The following NLGN4X variants were observed in gnomAD, a reference collection of about 807,000 sequenced individuals.
The protein encoded by NLGN4X is neuroligin-4, X-linked.
In NLGN4X, 3 loss-of-function variants were observed where a neutral mutation model predicts 40.3. That is an observed-to-expected ratio of 0.07 (90% CI 0.03 to 0.19). The LOEUF (loss-of-function observed/expected upper bound fraction) is 0.19, where lower values mean the gene tolerates loss of function less well. Among genes scored for constraint, NLGN4X ranks in the 10% least tolerant of loss-of-function variants. The pLI is 1.00. For missense variants in NLGN4X, 382 were observed against 708.3 expected (o/e 0.54, Z 5.23); for synonymous variants, 270 against 306.8 (o/e 0.88, Z 1.25).
intron 3 of NLGN4X, among the ~76,000 whole-genome samples, chrX:5,998,255 C>G (rs1003933521): frequency 9.2e-6 from 1 of 109,179 alleles, no homozygotes; most frequent in African/African-American, 3.3e-5. Context: ...ACTAAAAATA[C>G]AAAAATTAGC....
intron 3 of NLGN4X, among the ~76,000 whole-genome samples, chrX:5,939,128 A>G (rs762707025): frequency 1.7e-4 from 19 of 110,985 alleles, no homozygotes; most frequent in Non-Finnish European, 3.2e-4. Flanking sequence ...GATTGAAGAT[A>G]GTTCCCAGCA....
intron 2 of NLGN4X, among the ~76,000 whole-genome samples, chrX:6,040,004 T>C (rs775113792): frequency 3.6e-5 from 4 of 112,089 alleles, no homozygotes; most frequent in African/African-American, 9.7e-5. Flanking sequence ...GTCACACAAC[T>C]GTAGCTTACC....
intron 3 of NLGN4X, among the ~76,000 whole-genome samples, chrX:5,938,187 T>C (rs2033796105): frequency 9.0e-6 from 1 of 110,980 alleles, no homozygotes; most frequent in Admixed American, 9.6e-5. Context: ...AGGTCAAGGG[T>C]TAGGATAGCT....
intron 3 of NLGN4X, among the ~76,000 whole-genome samples, chrX:5,988,156 G>A (rs1044781352): frequency 8.9e-6 from 1 of 111,934 alleles, no homozygotes; most frequent in Non-Finnish European, 1.9e-5. Flanking sequence ...ACACACTTCC[G>A]TACAGTAGCA....
rs762766191 is a variant in NLGN4X at position 5,993,763 on chromosome X, A to C, written c.625+35517T>G. On this transcript the variant is annotated intron_variant, in intron 3 of 5. Transcript: ENST00000381095. ...GCCAAATGTGAACCACATAGAAAGA[A>C]GTGCTCTTTGGTCATCTAGAAAGGG... Among the ~76,000 whole-genome samples the C allele has an allele frequency of 2.7e-5, 3 of 111,813 alleles. No individual in the cohort carries two copies. The South Asian group carries it at 1.1e-3, about 42-fold the overall frequency.
At chrX:6,027,116 C>T (rs1026981155) in intron 3 of NLGN4X, among the ~76,000 whole-genome samples, 8 of 112,093 alleles carry the variant, frequency 7.1e-5, no homozygotes, top group Non-Finnish European at 9.4e-5. Context: ...AGCTTTCTTC[C>T]GTGTGGCCGT....
chrX:6,224,871 T>A (rs1262782063), intron 1 of NLGN4X, among the ~76,000 whole-genome samples: 1 of 104,159 alleles, frequency 9.6e-6, no homozygotes, highest in Non-Finnish European at 2.0e-5. Context: ...AAATGAAGCC[T>A]TCCATTTTAA....
intron 3 of NLGN4X, among the ~76,000 whole-genome samples, chrX:5,996,740 A>G (rs1333166887): frequency 9.1e-6 from 1 of 110,137 alleles, no homozygotes; most frequent in East Asian, 2.9e-4. Flanking sequence ...CTGGGATTAC[A>G]GGGATGCGCC....
At chrX:6,218,474 C>CTACACA (rs1556012458) in intron 1 of NLGN4X, among the ~76,000 whole-genome samples, 2,865 of 46,938 alleles carry the variant, frequency 0.061, 25 homozygotes, top group South Asian at 0.075. Context: ...GAGATTAAAC[C>CTACACA]CACACACACA....
chrX:6,180,010 A>T (rs1187488640), intron 1 of NLGN4X, among the ~76,000 whole-genome samples: 1 of 111,773 alleles, frequency 8.9e-6, no homozygotes, highest in Non-Finnish European at 1.9e-5. Context: ...CAAGCAATAA[A>T]CTAGTATCAA....
chrX:6,070,615 TG>T (rs1288353225), intron 2 of NLGN4X, among the ~76,000 whole-genome samples: 1 of 111,784 alleles, frequency 8.9e-6, no homozygotes, highest in African/African-American at 3.3e-5. Context: ...TAGCTGGCCG[TG>T]ATGGCATGTG....
Position 5,938,966 on chromosome X carries a change from CGTGTGTGTGTGT to C in NLGN4X, c.626-29739_626-29728del, listed in dbSNP as rs60927853. 5.9e-5 allele frequency among the ~76,000 whole-genome samples: 6 copies of C among 101,947 alleles called. 1 individual carries two copies. Among genetic ancestry groups the C allele is most frequent in the Non-Finnish European group, 4.0e-5 (2 of 49,879 alleles). 88.5% of individuals were successfully genotyped at this position (101,947 alleles called of 115,157 possible). The stretch of plus-strand genomic sequence containing the variant: ...ATGTGTGTTTGTATTTGTGTGTGTG[CGTGTGTGTGTGT>C]GTGTGTGTGTGTGTGTACTTCATAC... On this transcript the variant is annotated intron_variant, in intron 3 of 5. Coordinates refer to ENST00000381095, the MANE Select transcript of NLGN4X (RefSeq NM_181332.3).
chrX:6,063,350 G>A (rs899690782), intron 2 of NLGN4X, among the ~76,000 whole-genome samples: 6 of 112,014 alleles, frequency 5.4e-5, no homozygotes, highest in Non-Finnish European at 1.1e-4. Context: ...GCTGGGCATG[G>A]TGGCAACACC....
At chrX:6,190,550 G>A (rs757614027) in intron 1 of NLGN4X, among the ~76,000 whole-genome samples, 33 of 112,136 alleles carry the variant, frequency 2.9e-4, no homozygotes, top group Non-Finnish European at 5.3e-4. Context: ...TTGAGTTTGT[G>A]GGGAAGGGTC....
At chrX:6,006,594 T>C (rs1241994992) in intron 3 of NLGN4X, among the ~76,000 whole-genome samples, 1 of 111,302 alleles carries the variant, frequency 9.0e-6, no homozygotes, top group Non-Finnish European at 1.9e-5. Flanking sequence ...AATTTTATCT[T>C]CCCAAATGTG....
intron 1 of NLGN4X, among the ~76,000 whole-genome samples, chrX:6,184,861 T>C (rs980906262): frequency 4.4e-5 from 5 of 112,409 alleles, no homozygotes; most frequent in Middle Eastern, 4.7e-3. Context: ...CGGGAGAGCG[T>C]AGGCAAAGAA....
rs758019203 is a variant in NLGN4X at position 6,116,290 on chromosome X, C to CAAAAAAAAAAA, written c.472+34694_472+34704dup. Among the ~76,000 whole-genome samples the CAAAAAAAAAAA allele has an allele frequency of 2.0e-3, 33 of 16,169 alleles. 5 individuals carry two copies. Among genetic ancestry groups the CAAAAAAAAAAA allele is most frequent in the African/African-American group, 2.2e-3 (9 of 4,172 alleles). 14.0% of individuals were successfully genotyped at this position (16,169 alleles called of 115,157 possible). On this transcript the variant is annotated intron_variant, in intron 2 of 5. Transcript: ENST00000381095. The stretch of plus-strand genomic sequence containing the variant: ...CCTGGGCGACAGACCGAGACTCTGT[C>CAAAAAAAAAAA]AAAAAAAAAAAAAAAAAAAAAAAAA...
chrX:6,137,780 A>C (rs1045854103), intron 2 of NLGN4X, among the ~76,000 whole-genome samples: 1 of 112,452 alleles, frequency 8.9e-6, no homozygotes, highest in Admixed American at 9.4e-5. Flanking sequence ...GATGAGCTCC[A>C]TTATTTTCCA....
chrX:6,044,595 C>T (rs930520848), intron 2 of NLGN4X, among the ~76,000 whole-genome samples: 10 of 110,782 alleles, frequency 9.0e-5, no homozygotes, highest in African/African-American at 2.3e-4. Flanking sequence ...TATGTTATTA[C>T]GGATTTGTCT....
Sources: allele counts gnomAD v4.1 joint callset (sites outside exome capture counted in the v4.1 genomes callset), GRCh38; gene constraint gnomAD v4.1.1; transcripts MANE v1.5; gene names NCBI Gene and HGNC (gene_info 2026-07-23, HGNC 2026-07-21).